Variants in HECW2 observed in about 807,000 individuals in gnomAD.
The protein encoded by HECW2 is E3 ubiquitin-protein ligase HECW2.
Under a neutral mutation model 175.2 loss-of-function variants are expected in HECW2, and 61 were observed. The observed-to-expected ratio is 0.35, with a 90% confidence interval of 0.28 to 0.43. The LOEUF (loss-of-function observed/expected upper bound fraction) is 0.43. Ranked by LOEUF, HECW2 falls within the 20% of genes least tolerant of loss-of-function variation. The pLI is 1.00. For synonymous variants in HECW2, 671 were observed against 731.0 expected (o/e 0.92, Z 1.32); for missense variants, 1,524 against 2,000.5 (o/e 0.76, Z 4.54).
chr2:196,399,555 T>C (rs57825612), intron 2 of HECW2, among the ~76,000 whole-genome samples: 3,395 of 152,318 alleles, frequency 0.022, 132 homozygotes, highest in African/African-American at 0.076. Flanking sequence ...TGTGGTGTTA[T>C]GCATGTTACA....
rs367789315 is a variant in HECW2, at chr2:196,365,500, G to A, written c.293-21736C>T. Among the ~76,000 whole-genome samples, 50 of 152,170 alleles carry A rather than the reference G, an allele frequency of 3.3e-4. No homozygotes were observed. In the East Asian group the frequency reaches 3.9e-3, roughly 12 times the overall value. On this transcript the variant is annotated intron_variant, in intron 2 of 28. Transcript: ENST00000644978. Reference sequence around the variant, plus strand: ...AATTTTTATTGGAGACTTTTTCTTCGAACCCTGTGTTCCTAAAGCAGCCAG... The same window carrying A: ...AATTTTTATTGGAGACTTTTTCTTCAAACCCTGTGTTCCTAAAGCAGCCAG...
intron 13 of HECW2, among the ~76,000 whole-genome samples, chr2:196,294,241 A>G (rs900002948): frequency 1.3e-5 from 2 of 152,234 alleles, no homozygotes; most frequent in African/African-American, 4.8e-5. Flanking sequence ...TTATTGCATA[A>G]TACCATGCAC....
At chr2:196,253,862 C>A in intron 19 of HECW2, 58 bp downstream of exon 19, 1 of 1,507,250 alleles carries the variant, frequency 6.6e-7, no homozygotes, top group Non-Finnish European at 9.2e-7. Flanking sequence ...GAGGATAGAA[C>A]ATCTGGCTTG....
chr2:196,499,963 A>T (rs1687521649), intron 1 of HECW2, among the ~76,000 whole-genome samples: 1 of 152,172 alleles, frequency 6.6e-6, no homozygotes. Flanking sequence ...TGTGTATTAC[A>T]TTTATACTCT....
chr2:196,318,731 G>C lies in HECW2; in HGVS notation c.2159C>G (p.Pro720Arg). Residue 720 changes from proline to arginine, a missense_variant, in exon 9 of 29, where the codon CCA becomes CGA. Transcript: ENST00000644978. ...AGGTACAGTGGCCGATTCTGCCCCT[G>C]GCCCTTCATCCTCCCCACTGGGCAC... Reference protein sequence around the residue: ...VQVPSGEDEGPGAESATVPDQ... With the variant: ...VQVPSGEDEGRGAESATVPDQ... The C allele has an allele frequency of 6.5e-7, 1 of 1,545,576 alleles. No homozygotes were observed. The highest frequency in any genetic ancestry group is 8.7e-7 in the Non-Finnish European group (1 of 1,146,138).
chr2:196,590,869 T>C (rs1485131565), intron 1 of HECW2, among the ~76,000 whole-genome samples: 1 of 152,220 alleles, frequency 6.6e-6, no homozygotes, highest in Non-Finnish European at 1.5e-5. Flanking sequence ...ATTGCCCAAG[T>C]GAAACAGAAC....
intron 1 of HECW2, among the ~76,000 whole-genome samples, chr2:196,486,229 A>G (rs1053477519): frequency 2.0e-5 from 3 of 152,208 alleles, no homozygotes; most frequent in Non-Finnish European, 4.4e-5. Context: ...ATGTTCTAGA[A>G]GTTCTAGCTG....
In HECW2 at chr2:196,272,162, C is replaced by T. The variant is rs541196535; in HGVS notation, c.3239-873G>A. ...GGCAGCAACAACTAGGACCAAAATG[C>T]AGAGGACAAACTATTCTAAAACTCT... On this transcript the variant is annotated intron_variant, in intron 16 of 28. Coordinates refer to ENST00000644978, the MANE Select transcript of HECW2 (RefSeq NM_001348768.2). Among the ~76,000 whole-genome samples, 5 of 152,248 alleles carry T rather than the reference C, an allele frequency of 3.3e-5. No homozygotes were observed. The South Asian group carries it at 1.0e-3, about 32-fold the overall frequency.
chr2:196,341,758 A>C (rs951297194), intron 3 of HECW2, among the ~76,000 whole-genome samples: 2 of 152,230 alleles, frequency 1.3e-5, no homozygotes, highest in African/African-American at 4.8e-5. Flanking sequence ...TATGAAAAGA[A>C]GACATTTCTT....
chr2:196,438,896 G>A (rs988956787), intron 1 of HECW2, among the ~76,000 whole-genome samples: 1 of 152,192 alleles, frequency 6.6e-6, no homozygotes, highest in Non-Finnish European at 1.5e-5. Context: ...TTCAAAAGCA[G>A]AACAGTGTCC....
At position 196,420,624 on chromosome 2, in the gene HECW2, T is replaced by C. The variant is rs753697018; in HGVS notation, c.292+12508A>G. 3.9e-5 allele frequency among the ~76,000 whole-genome samples: 6 copies of C among 152,204 alleles called. No homozygotes were observed. In the South Asian group the frequency reaches 6.2e-4, roughly 16 times the overall value. On this transcript the variant is annotated intron_variant, in intron 2 of 28. Transcript: ENST00000644978. ...AAACCAACAAGGATTTGAAGTTAAA[T>C]TGTAAACTTCACCTGTGTGCTTCCA...
intron 1 of HECW2, among the ~76,000 whole-genome samples, chr2:196,557,159 C>CCCGAGGTGGGCGGATCACCTGAGG (rs1461173988): frequency 6.6e-6 from 1 of 152,040 alleles, no homozygotes; most frequent in Non-Finnish European, 1.5e-5. Context: ...ACTTTGGGAG[C>CCCGAGGTGGGCGGATCACCTGAGG]CCGAGGTGGG....
At chr2:196,420,809 T>C (rs1695388214) in intron 2 of HECW2, among the ~76,000 whole-genome samples, 1 of 152,108 alleles carries the variant, frequency 6.6e-6, no homozygotes, top group Non-Finnish European at 1.5e-5. Flanking sequence ...CATTATGTTA[T>C]GGAGGTTTGT....
At chr2:196,419,335 G>A (rs1695346002) in intron 2 of HECW2, among the ~76,000 whole-genome samples, 1 of 152,190 alleles carries the variant, frequency 6.6e-6, no homozygotes, top group South Asian at 2.1e-4. Flanking sequence ...GAAAGGAACA[G>A]GAGGTGTTCT....
chr2:196,453,214 G>C (rs1028977597), intron 1 of HECW2, among the ~76,000 whole-genome samples: 2 of 152,170 alleles, frequency 1.3e-5, no homozygotes, highest in African/African-American at 2.4e-5. Context: ...TGGGTTCTCT[G>C]CAATAAATCA....
chr2:196,422,740 G>A (rs1421376129), intron 2 of HECW2, among the ~76,000 whole-genome samples: 1 of 152,056 alleles, frequency 6.6e-6, no homozygotes, highest in African/African-American at 2.4e-5. Context: ...CTTTCTAAGA[G>A]CATTTTAAAA....
intron 2 of HECW2, among the ~76,000 whole-genome samples, chr2:196,358,117 C>G (rs1466310150): frequency 2.6e-5 from 4 of 152,138 alleles, no homozygotes; most frequent in Non-Finnish European, 2.9e-5. Flanking sequence ...TTCTCCCATT[C>G]GCTGGATTTA....
chr2:196,328,837 C>T (rs1235901726), intron 5 of HECW2, among the ~76,000 whole-genome samples: 1 of 152,034 alleles, frequency 6.6e-6, no homozygotes, highest in African/African-American at 2.4e-5. Flanking sequence ...AATCAGTGCC[C>T]TTCAAACTTT....
chr2:196,429,130 T>A (rs1010257729), intron 2 of HECW2, among the ~76,000 whole-genome samples: 1 of 152,204 alleles, frequency 6.6e-6, no homozygotes, highest in Non-Finnish European at 1.5e-5. Flanking sequence ...GAAAGCAAAG[T>A]TCCCCCAAAG....
Sources: gnomAD v4.1 joint callset for allele counts (sites outside exome capture counted in the v4.1 genomes callset) on GRCh38, gnomAD v4.1.1 for gene constraint, MANE v1.5 for transcripts, NCBI Gene and HGNC (gene_info 2026-07-23, HGNC 2026-07-21) for gene names.